Variants in MEF2C observed in about 807,000 individuals in gnomAD.
MEF2C encodes myocyte-specific enhancer factor 2C.
In MEF2C, 6 loss-of-function variants were observed where a neutral mutation model predicts 50.5. The observed-to-expected ratio is 0.12, with a 90% confidence interval of 0.07 to 0.23. The LOEUF (loss-of-function observed/expected upper bound fraction) is 0.23, where lower values mean the gene tolerates loss of function less well. Among genes scored for constraint, MEF2C ranks in the 10% least tolerant of loss-of-function variants. MEF2C has a pLI of 1.00. For missense variants in MEF2C, 276 were observed against 605.0 expected, an observed-to-expected ratio of 0.46 and a Z score of 5.70; for synonymous variants, 183 against 228.0, an observed-to-expected ratio of 0.80 and a Z score of 1.78.
rs564345794 is a variant in MEF2C, at chr5:88,861,433, G to A, written c.-143+21522C>T. Reference sequence around the variant, plus strand: ...TAGAAACATAACCACTGCAACACAGGTATGTTGTTGCATTATCTCCCTTGG... The same window carrying A: ...TAGAAACATAACCACTGCAACACAGATATGTTGTTGCATTATCTCCCTTGG... On this transcript the variant is annotated intron_variant, in intron 1 of 10. Coordinates refer to ENST00000504921, the MANE Select transcript of MEF2C (RefSeq NM_002397.5). Among the ~76,000 whole-genome samples the A allele has an allele frequency of 4.6e-5, 7 of 152,294 alleles. No individual in the cohort carries two copies. The South Asian group carries it at 1.4e-3, about 32-fold the overall frequency.
Position 88,722,494 on chromosome 5 carries a change from T to G in MEF2C, c.*110A>C. The G allele has an allele frequency of 1.0e-6, 1 of 996,106 alleles. No individual in the cohort carries two copies. Among genetic ancestry groups the G allele is most frequent in the African/African-American group, 1.6e-5 (1 of 61,968 alleles). 61.7% of individuals were successfully genotyped at this position (996,106 alleles called of 1,614,324 possible). On this transcript the variant is annotated 3_prime_UTR_variant, in exon 11 of 11. Transcript: ENST00000504921. ...TACAAAACAGAGTACCTGACTTTTT[T>G]TTTTTCCACACACGGCACATATAAT...
chr5:88,799,445 G>C (rs1797360669), intron 3 of MEF2C, among the ~76,000 whole-genome samples: 1 of 152,220 alleles, frequency 6.6e-6, no homozygotes, highest in Non-Finnish European at 1.5e-5. Context: ...GAATGGTCAA[G>C]TAAAGTAGAC....
Position 88,717,566 on chromosome 5 carries a change from C to G in MEF2C, c.*5038G>C, listed in dbSNP as rs977206108. 3 of 152,156 alleles carry G rather than the reference C, an allele frequency of 2.0e-5. No individual in the cohort carries two copies. The highest frequency in any genetic ancestry group is 7.2e-5 in the African/African-American group (3 of 41,430). The allele number at this position is 152,156 out of a possible 1,614,324, so 9.4% of individuals were successfully genotyped here. On this transcript the variant is annotated 3_prime_UTR_variant, in exon 11 of 11. Transcript: ENST00000504921. The stretch of plus-strand genomic sequence containing the variant: ...AGCAGAAAGCACTGCTATTTTGAAG[C>G]CACATGCAACATTTCCTCGAACTGC...
chr5:88,792,457 G>T (rs1223535974), intron 3 of MEF2C, among the ~76,000 whole-genome samples: 9 of 152,094 alleles, frequency 5.9e-5, no homozygotes, highest in Non-Finnish European at 1.2e-4. Context: ...AAATCACAAG[G>T]TACACAGTTA....
chr5:88,892,796 C>G (rs554296951), intron 1 of MEF2C, among the ~76,000 whole-genome samples: 103 of 152,300 alleles, frequency 6.8e-4, no homozygotes, highest in South Asian at 2.3e-3. Flanking sequence ...GCCAAGATGA[C>G]ATTGATATCT....
At chr5:88,739,614 G>T in intron 6 of MEF2C, 1 of 985,146 alleles carries the variant, frequency 1.0e-6, no homozygotes, top group African/African-American at 1.7e-5. Flanking sequence ...AAAAAAATTA[G>T]TGGAAAAATA....
intron 1 of MEF2C, among the ~76,000 whole-genome samples, chr5:88,880,483 T>C (rs1472176709): frequency 6.6e-6 from 1 of 152,098 alleles, no homozygotes; most frequent in Non-Finnish European, 1.5e-5. Context: ...ACTTTAGAGT[T>C]GAGAAATAAA....
At chr5:88,802,126 T>A (rs1274416117) in intron 3 of MEF2C, among the ~76,000 whole-genome samples, 2 of 152,236 alleles carry the variant, frequency 1.3e-5, no homozygotes, top group Admixed American at 6.5e-5. Context: ...TTTGAGAGAT[T>A]CAGAGATTTA....
At chr5:88,858,686 C>A (rs1432465870) in intron 1 of MEF2C, among the ~76,000 whole-genome samples, 1 of 152,136 alleles carries the variant, frequency 6.6e-6, no homozygotes, top group African/African-American at 2.4e-5. Flanking sequence ...GTTAGTTACT[C>A]CTTGGAGAAA....
chr5:88,844,810 T>C (rs1469459247), intron 1 of MEF2C, among the ~76,000 whole-genome samples: 1 of 152,208 alleles, frequency 6.6e-6, no homozygotes, highest in Non-Finnish European at 1.5e-5. Context: ...ATTTGGTGTA[T>C]GTCAGTAATG....
Position 88,722,697 on chromosome 5 carries a change from G to A in MEF2C, c.1329C>T (p.Phe443=). ...GSDREDHRNE[F]HSPIGLTRPS... ...GTCTGGTGAGTCCAATGGGGGAGTG[G>A]AATTCGTTCCGGTGATCCTCTCGGT... is the stretch of plus-strand genomic sequence containing the variant. The change falls in exon 11 of 11, where the codon TTC becomes TTT. Residue 443 remains phenylalanine, a synonymous_variant. Transcript: ENST00000504921. 6.2e-7 allele frequency: 1 copy of A among 1,613,906 alleles called. No homozygotes were observed. The highest frequency in any genetic ancestry group is 8.5e-7 in the Non-Finnish European group (1 of 1,179,878).
intron 10 of MEF2C, among the ~76,000 whole-genome samples, chr5:88,725,255 A>G (rs1416732694): frequency 6.6e-6 from 1 of 152,078 alleles, no homozygotes; most frequent in Non-Finnish European, 1.5e-5. Flanking sequence ...TTTTGGTGGA[A>G]TTTCATTTGA....
intron 3 of MEF2C, chr5:88,773,009 T>C: frequency 5.6e-6 from 4 of 713,132 alleles, no homozygotes; most frequent in Non-Finnish European, 6.9e-6. Flanking sequence ...AAAAGTGAAG[T>C]ATCAGGAGTG....
At chr5:88,804,523 ATGTGTG>A in intron 3 of MEF2C, 69 bp downstream of exon 3, 1 of 1,267,222 alleles carries the variant, frequency 7.9e-7, no homozygotes, top group East Asian at 2.4e-5. Flanking sequence ...TGATGTGTGT[ATGTGTG>A]TGTGGCAGGG....
intron 3 of MEF2C, among the ~76,000 whole-genome samples, chr5:88,766,072 C>G (rs1333733619): frequency 6.6e-6 from 1 of 152,112 alleles, no homozygotes; most frequent in Non-Finnish European, 1.5e-5. Context: ...GAGAAAGAGT[C>G]CAGACAGGTA....
At chr5:88,858,561 T>C (rs1045245391) in intron 1 of MEF2C, among the ~76,000 whole-genome samples, 3 of 152,142 alleles carry the variant, frequency 2.0e-5, no homozygotes, top group Non-Finnish European at 4.4e-5. Flanking sequence ...GTGCATTTGA[T>C]AAGGGTATGG....
At chr5:88,806,369 T>C (rs968529485) in intron 2 of MEF2C, among the ~76,000 whole-genome samples, 7 of 152,204 alleles carry the variant, frequency 4.6e-5, no homozygotes, top group African/African-American at 1.7e-4. Flanking sequence ...GTTCCACACC[T>C]GTCTAAACAT....
chr5:88,880,936 T>A (rs1391920436), intron 1 of MEF2C: 5 of 152,158 alleles, frequency 3.3e-5, no homozygotes, highest in Non-Finnish European at 5.9e-5. Flanking sequence ...TTTAATATTA[T>A]CTTTCAATAT....
At chr5:88,750,963 T>C (rs1001773354) in intron 5 of MEF2C, 2 of 449,850 alleles carry the variant, frequency 4.4e-6, no homozygotes, top group East Asian at 3.1e-4. Flanking sequence ...TGCAAATATA[T>C]AATGGTTTGC....
Sources: gnomAD v4.1 joint callset for allele counts (sites outside exome capture counted in the v4.1 genomes callset) on GRCh38, gnomAD v4.1.1 for gene constraint, MANE v1.5 for transcripts, NCBI Gene and HGNC (gene_info 2026-07-23, HGNC 2026-07-21) for gene names.